Variants in SHE observed in about 807,000 individuals in gnomAD.
The protein encoded by SHE is SH2 domain-containing adapter protein E.
In SHE, 11 loss-of-function variants were observed where a neutral mutation model predicts 49.8. The observed-to-expected ratio is 0.22, with a 90% CI of 0.14 to 0.37. SHE has a LOEUF of 0.37. SHE is among the 10% of genes least tolerant of loss of function. SHE has a pLI of 1.00. For missense variants in SHE, 624 were observed against 655.5 expected (o/e 0.95, Z 0.52); for synonymous variants, 310 against 278.1 (o/e 1.11, Z -1.14).
At chr1:154,473,199 C>T (rs1161542566) in intron 1 of SHE, among the ~76,000 whole-genome samples, 7 of 151,748 alleles carry the variant, frequency 4.6e-5, no homozygotes, top group African/African-American at 1.5e-4. Flanking sequence ...GGGGTTTCTC[C>T]GTGTTGGTCA....
At chr1:154,491,785 T>C (rs1019176812) in intron 2 of SHE, among the ~76,000 whole-genome samples, 1 of 152,062 alleles carries the variant, frequency 6.6e-6, no homozygotes, top group South Asian at 2.1e-4. Flanking sequence ...GGTTAACAAA[T>C]GGATCGTTGT....
At chr1:154,486,456 A>G (rs4845632) in intron 4 of SHE, 71 bp downstream of exon 4, 1,542,200 of 1,566,466 alleles carry the variant, frequency 0.98, 762,179 homozygotes, top group East Asian at 1. Context: ...AAATGGGCCA[A>G]TGTGCTCCCT....
rs1419680636 is a variant in SHE, at chr1:154,481,975, T to G, written c.*2174A>C. On this transcript the variant is annotated 3_prime_UTR_variant, in exon 6 of 6. Transcript: ENST00000304760. ...GATCCACCTACCTCAGCCTCCCGAA[T>G]AGCTGGAACCACAGGCATCCACCAC... The G allele has an allele frequency of 5.1e-6, 1 of 195,706 alleles. No individual in the cohort carries two copies. The highest frequency in any genetic ancestry group is 9.2e-6 in the Non-Finnish European group (1 of 109,126). The allele number at this position is 195,706 out of a possible 1,614,324, so 12.1% of individuals were successfully genotyped here.
chr1:154,489,200 G>A lies in SHE; in HGVS notation c.875C>T (p.Thr292Ile), dbSNP rs767821732. 1 of 1,614,210 alleles carries A rather than the reference G, an allele frequency of 6.2e-7. No individual in the cohort carries two copies. Among genetic ancestry groups the A allele is most frequent in the Admixed American group, 1.7e-5 (1 of 60,018 alleles). Residue 292 changes from threonine to isoleucine, a missense_variant, in exon 3 of 6, where the codon ACT (threonine) becomes ATT (isoleucine). Around this residue, in one of 4 missense-constraint regions of SHE, gnomAD observed 155 missense variants for 142.0 expected, o/e 1.09. Coordinates refer to ENST00000304760, the MANE Select transcript of SHE (RefSeq NM_001010846.3). ...CCCCCCTTCTGCAGGCTCGTAGGGAGTGTCGTATAGCTGTGGCGGCTTCCC... is the reference window on the plus strand; with the variant it reads ...CCCCCCTTCTGCAGGCTCGTAGGGAATGTCGTATAGCTGTGGCGGCTTCCC... Reference protein sequence around the residue: ...LLGKPPQLYDTPYEPAEGGPR... With the variant: ...LLGKPPQLYDIPYEPAEGGPR...
In SHE at chr1:154,501,484, G is replaced by A. The variant is rs1326510019; in HGVS notation, c.543C>T (p.Ser181=). The A allele has an allele frequency of 3.7e-6, 6 of 1,614,074 alleles. No homozygotes were observed. The African/African-American group carries it at 4.0e-5, about 11-fold the overall frequency. ...SSSSASSSPS[S]LGPELDKGKI... ...TGCCCTTGTCCAGCTCGGGCCCCAG[G>A]GAGGAAGGGGAAGAGGACGCGGAGG... The change falls in exon 1 of 6, where the codon TCC becomes TCT. Residue 181 remains serine (S), a synonymous_variant. Coordinates refer to ENST00000304760, the MANE Select transcript of SHE (RefSeq NM_001010846.3).
chr1:154,487,267 T>C (rs1692207841), intron 3 of SHE, among the ~76,000 whole-genome samples: 1 of 136,944 alleles, frequency 7.3e-6, no homozygotes, highest in South Asian at 2.5e-4. Flanking sequence ...TGAGACTCCG[T>C]CTCAAAAAAA....
intron 1 of SHE, 123 bp from the exon 2 acceptor site, chr1:154,499,361 C>T (rs1197578934): frequency 8.9e-7 from 1 of 1,121,486 alleles, no homozygotes; most frequent in African/African-American, 1.6e-5. Context: ...TAACCAGTTC[C>T]AGATAGCTTT....
Position 154,481,114 on chromosome 1 carries a change from C to T in SHE, c.*3035G>A. On this transcript the variant is annotated 3_prime_UTR_variant, in exon 6 of 6. Transcript: ENST00000304760. ...GCCAGAGCATTCAGAGCTCAGAGAA[C>T]ATGTCACAGAGCTTCAGATCAGCTG... The T allele has an allele frequency of 2.0e-6, 2 of 985,462 alleles. No homozygotes were observed. The highest frequency in any genetic ancestry group is 2.4e-6 in the Non-Finnish European group (2 of 829,944). The allele number at this position is 985,462 out of a possible 1,614,324, so 61.0% of individuals were successfully genotyped here. A position where few individuals can be genotyped will look rare whatever the true frequency, so the allele number is the denominator to read the frequency against.
chr1:154,475,774 T>C (rs1691864467), downstream of SHE, among the ~76,000 whole-genome samples: 1 of 152,044 alleles, frequency 6.6e-6, no homozygotes, highest in Non-Finnish European at 1.5e-5. Context: ...GGGTGGTTCA[T>C]TGTATTCATT....
rs781766883 is a variant in SHE, at chr1:154,489,322, C to T, written c.753G>A (p.Val251=). The T allele has an allele frequency of 3.3e-5, 54 of 1,613,650 alleles. No homozygotes were observed. Among genetic ancestry groups the T allele is most frequent in the Non-Finnish European group, 4.6e-5 (54 of 1,179,788 alleles). ...GACTGTCAAGCAGCTGGAGAGCCTT[C>T]ACCAGGGGATCTTTGGAACCCCGTC... is the stretch of plus-strand genomic sequence containing the variant. The part of the protein sequence containing the change: ...IRRRGSKDPL[V]KALQLLDSPC... The change falls in exon 3 of 6, where the codon GTG becomes GTA. Residue 251 remains valine, a synonymous_variant. Transcript: ENST00000304760.
At chr1:154,501,414 C>A (rs1467813076) in intron 1 of SHE, 22 bp downstream of exon 1, 2 of 1,610,460 alleles carry the variant, frequency 1.2e-6, no homozygotes, top group Admixed American at 3.3e-5. Flanking sequence ...GAGAGGTGGT[C>A]CAAGGGAGGC....
intron 2 of SHE, among the ~76,000 whole-genome samples, chr1:154,491,126 C>T (rs919505626): frequency 2.0e-5 from 3 of 152,126 alleles, no homozygotes; most frequent in African/African-American, 7.2e-5. Context: ...TGTGGCTCTT[C>T]TAAACGCCCA....
rs1293831234 is a variant in SHE at position 154,482,410 on chromosome 1, T to C, written c.*1739A>G. 4 of 985,354 alleles carry C rather than the reference T, an allele frequency of 4.1e-6. No homozygotes were observed. The East Asian group carries it at 3.4e-4, about 84-fold the overall frequency. The allele number at this position is 985,354 out of a possible 1,614,324, so 61.0% of individuals were successfully genotyped here. On this transcript the variant is annotated 3_prime_UTR_variant, in exon 6 of 6. Transcript: ENST00000304760. ...TCACACAACCTTTTGGCTGAGATCT[T>C]ATCTGAATAAAGAAGCAAAAATTTA...
rs1326318861 is a variant in SHE at position 154,489,113 on chromosome 1, G to A, written c.962C>T (p.Pro321Leu). 1.2e-6 allele frequency: 2 copies of A among 1,613,178 alleles called. No individual in the cohort carries two copies. Among genetic ancestry groups the A allele is most frequent in the Admixed American group, 3.3e-5 (2 of 59,946 alleles). Residue 321 changes from proline to leucine, a missense_variant, in exon 3 of 6, where the codon CCC (proline) becomes CTC (leucine). By Grantham distance (98) the Pro-to-Leu change is moderately conservative. Coordinates refer to ENST00000304760, the MANE Select transcript of SHE (RefSeq NM_001010846.3). ...CCATGGCTGCTCGTACTCTGCCGCGGGCCTCTCGTCGTTCTCGGGCAGCCG... is the reference window on the plus strand; with the variant it reads ...CCATGGCTGCTCGTACTCTGCCGCGAGCCTCTCGTCGTTCTCGGGCAGCCG... Reference protein sequence around the residue: ...DSRLPENDERPAAEYEQPWEW... With the variant: ...DSRLPENDERLAAEYEQPWEW...
At position 154,489,066 on chromosome 1, in the gene SHE, C is replaced by T. The variant is rs578131043; in HGVS notation, c.1009G>A (p.Val337Met). ...GCGCCCTCACCTGACAGAGCCCGCACGATCTGCTCCTTCTTCCACTCCCAT... is the reference window on the plus strand; with the variant it reads ...GCGCCCTCACCTGACAGAGCCCGCATGATCTGCTCCTTCTTCCACTCCCAT... The part of the protein sequence containing the change: ...QPWEWKKEQI[V>M]RALSVQFEGA... The change falls in exon 3 of 6, where the codon GTG becomes ATG. Residue 337 changes from valine (V) to methionine (M), a missense_variant. Val to Met is a conservative substitution (Grantham distance 21). This residue lies in a region of SHE where 155 missense variants were observed against 142.0 expected (regional missense o/e 1.09). Coordinates refer to ENST00000304760, the MANE Select transcript of SHE (RefSeq NM_001010846.3). 8.2e-6 allele frequency: 13 copies of T among 1,584,136 alleles called. No individual in the cohort carries two copies. Among genetic ancestry groups the T allele is most frequent in the Admixed American group, 3.5e-5 (2 of 56,998 alleles).
At position 154,501,869 on chromosome 1, in the gene SHE, G is replaced by C; in HGVS notation, c.158C>G (p.Ser53Trp). 2.0e-6 allele frequency: 3 copies of C among 1,535,426 alleles called. No individual in the cohort carries two copies. The highest frequency in any genetic ancestry group is 2.6e-6 in the Non-Finnish European group (3 of 1,147,568). The change falls in exon 1 of 6, where the codon TCG becomes TGG. Residue 53 changes from serine (S) to tryptophan (W), a missense_variant. Around this residue, in one of 4 missense-constraint regions of SHE, gnomAD observed 337 missense variants for 306.0 expected, o/e 1.10. Coordinates refer to ENST00000304760, the MANE Select transcript of SHE (RefSeq NM_001010846.3). ...GCCGCCCCCGGGCTTGGCCCGCTCC[G>C]ACACGGTCTTCAGGTTCAGGGGGAA... Reference protein sequence around the residue: ...KEFPLNLKTVSERAKPGGGGG... With the variant: ...KEFPLNLKTVWERAKPGGGGG...
intron 3 of SHE, among the ~76,000 whole-genome samples, chr1:154,487,270 CAAA>C (rs200850658): frequency 1.1e-5 from 1 of 87,366 alleles, no homozygotes; most frequent in Non-Finnish European, 2.3e-5. Context: ...GACTCCGTCT[CAAA>C]AAAAAAAAAA....
At position 154,502,109 on chromosome 1, in the gene SHE, C is replaced by A. The variant is rs1692802395; in HGVS notation, c.-83G>T. On this transcript the variant is annotated 5_prime_UTR_variant, in exon 1 of 6. Coordinates refer to ENST00000304760, the MANE Select transcript of SHE (RefSeq NM_001010846.3). Reference sequence around the variant, plus strand: ...GCCCCCGGCCGGCCGTCGCCCACGCCCGGCAGGGTGGGGTTCTCACGGCTC... The same window carrying A: ...GCCCCCGGCCGGCCGTCGCCCACGCACGGCAGGGTGGGGTTCTCACGGCTC... 1 of 1,114,682 alleles carries A rather than the reference C, an allele frequency of 9.0e-7. No individual in the cohort carries two copies. Among genetic ancestry groups the A allele is most frequent in the African/African-American group, 1.6e-5 (1 of 61,578 alleles). 69.0% of individuals were successfully genotyped at this position (1,114,682 alleles called of 1,614,324 possible).
At chr1:154,471,801 A>G (rs1310452760) in intron 1 of SHE, among the ~76,000 whole-genome samples, 1 of 152,118 alleles carries the variant, frequency 6.6e-6, no homozygotes, top group East Asian at 1.9e-4. Context: ...AAAGCTGCCC[A>G]ATGTCCTGAA....
Sources: allele counts gnomAD v4.1 joint callset (sites outside exome capture counted in the v4.1 genomes callset), GRCh38; gene constraint gnomAD v4.1.1; regional missense constraint gnomAD v4.1.1; transcripts MANE v1.5; gene names NCBI Gene and HGNC (gene_info 2026-07-23, HGNC 2026-07-21).